Variants in SEMA6A observed in about 807,000 individuals in gnomAD.
The protein encoded by SEMA6A is semaphorin-6A.
Under a neutral mutation model 96.8 loss-of-function variants are expected in SEMA6A, and 25 were observed. The ratio of observed to expected loss-of-function variants is 0.26; its 90% CI spans 0.19 to 0.36. SEMA6A has a LOEUF of 0.36. SEMA6A is among the 10% of genes least tolerant of loss of function. The pLI is 1.00. For missense variants in SEMA6A, 1,363 were observed against 1,323.1 expected (o/e 1.03, Z -0.47); for synonymous variants, 612 against 518.0 (o/e 1.18, Z -2.46).
Position 116,482,501 on chromosome 5 carries a change from T to C in SEMA6A, c.1037A>G (p.Gln346Arg). The C allele has an allele frequency of 1.2e-6, 2 of 1,613,614 alleles. No homozygotes were observed. The highest frequency in any genetic ancestry group is 1.7e-6 in the Non-Finnish European group (2 of 1,179,636). The change falls in exon 11 of 19, where the codon CAG becomes CGG. Residue 346 changes from glutamine (Q) to arginine (R), a missense_variant. By Grantham distance (43) the Gln-to-Arg change is conservative (BLOSUM62 1). Around this residue, in one of 2 missense-constraint regions of SEMA6A, gnomAD observed 480 missense variants for 559.5 expected, o/e 0.86. Transcript: ENST00000343348. ...ASVFTGRFKE[Q>R]KSPDSTWTPV... ...TGTCCAGGTGGAATCAGGAGACTTCTGTTCCTTGAATCTCCCAGTAAAAAC... is the reference window on the plus strand; with the variant it reads ...TGTCCAGGTGGAATCAGGAGACTTCCGTTCCTTGAATCTCCCAGTAAAAAC...
intron 2 of SEMA6A, among the ~76,000 whole-genome samples, chr5:116,504,419 C>T (rs2112773681): frequency 6.6e-6 from 1 of 151,830 alleles, no homozygotes; most frequent in South Asian, 2.1e-4. Flanking sequence ...CTTCTAAGTC[C>T]AAAAAAAATT....
In SEMA6A at chr5:116,447,544, G is replaced by A. The variant is rs1754314315; in HGVS notation, c.2162C>T (p.Ala721Val). Residue 721 changes from alanine (A) to valine (V), a missense_variant, in exon 19 of 19, where the codon GCC (alanine) becomes GTC (valine). Ala to Val is a moderately conservative substitution (Grantham distance 64). Around this residue, in one of 2 missense-constraint regions of SEMA6A, gnomAD observed 883 missense variants for 763.6 expected, o/e 1.16. Transcript: ENST00000343348. ...DTQSKDPKPEAILTPLMHNGK... is the reference protein window; with the variant it reads ...DTQSKDPKPEVILTPLMHNGK... ...GTTGTGCATGAGTGGCGTGAGGATG[G>A]CCTCCGGCTTTGGGTCTTTGGATTG... 1 of 1,613,970 alleles carries A rather than the reference G, an allele frequency of 6.2e-7. No individual in the cohort carries two copies. The highest frequency in any genetic ancestry group is 1.3e-5 in the African/African-American group (1 of 74,954).
At chr5:116,570,659 C>T (rs1330206476) in intron 1 of SEMA6A, among the ~76,000 whole-genome samples, 1 of 152,200 alleles carries the variant, frequency 6.6e-6, no homozygotes, top group African/African-American at 2.4e-5. Flanking sequence ...TAGCTCTTGG[C>T]AATCTAGTTC....
chr5:116,540,161 T>A (rs1759895917), intron 1 of SEMA6A, among the ~76,000 whole-genome samples: 1 of 152,212 alleles, frequency 6.6e-6, no homozygotes. Flanking sequence ...GTGATAGGAT[T>A]CAAATACTCA....
intron 18 of SEMA6A, among the ~76,000 whole-genome samples, chr5:116,464,920 A>G (rs1019158566): frequency 4.6e-5 from 7 of 152,188 alleles, no homozygotes; most frequent in Admixed American, 1.3e-4. Flanking sequence ...AAAATGGGCA[A>G]TGGACACTTG....
intron 1 of SEMA6A, among the ~76,000 whole-genome samples, chr5:116,511,728 A>G (rs576793121): frequency 3.9e-5 from 6 of 152,354 alleles, no homozygotes; most frequent in Admixed American, 3.9e-4. Flanking sequence ...AAGGTGATAG[A>G]AAGATGCAAA....
intron 1 of SEMA6A, among the ~76,000 whole-genome samples, chr5:116,538,794 GTCACCA>G (rs151299525): frequency 7.8e-4 from 119 of 151,720 alleles, no homozygotes; most frequent in African/African-American, 2.8e-3. Context: ...CCATCACCTT[GTCACCA>G]TCACCATCAT....
In SEMA6A at chr5:116,495,427, A is replaced by C. The variant is rs1471040029; in HGVS notation, c.430T>G (p.Cys144Gly). The change falls in exon 6 of 19, where the codon TGC (cysteine) becomes GGC (glycine). Residue 144 changes from cysteine to glycine, a missense_variant. Coordinates refer to ENST00000343348, the MANE Select transcript of SEMA6A (RefSeq NM_020796.5). ...VCGTNAFNPS[C>G]RNYKMDTLEP... ...ATAGCATTTACCTTATAGTTTCTGCAGGAAGGGTTGAAGGCATTAGTTCCA... is the reference window on the plus strand; with the variant it reads ...ATAGCATTTACCTTATAGTTTCTGCCGGAAGGGTTGAAGGCATTAGTTCCA... 6.2e-7 allele frequency: 1 copy of C among 1,609,164 alleles called. No homozygotes were observed. Among genetic ancestry groups the C allele is most frequent in the Non-Finnish European group, 8.5e-7 (1 of 1,177,390 alleles).
chr5:116,558,151 C>T (rs1760679409), intron 1 of SEMA6A, among the ~76,000 whole-genome samples: 1 of 152,154 alleles, frequency 6.6e-6, no homozygotes, highest in African/African-American at 2.4e-5. Flanking sequence ...TTTTCCAATC[C>T]TGTTTTGTTT....
At chr5:116,515,551 A>C (rs1758630206) in intron 1 of SEMA6A, among the ~76,000 whole-genome samples, 2 of 152,232 alleles carry the variant, frequency 1.3e-5, no homozygotes, top group Non-Finnish European at 2.9e-5. Context: ...GAGTGACTTT[A>C]AAGGAGCAAA....
At chr5:116,532,933 T>C (rs1182206255) in intron 1 of SEMA6A, among the ~76,000 whole-genome samples, 3 of 152,180 alleles carry the variant, frequency 2.0e-5, no homozygotes, top group Non-Finnish European at 4.4e-5. Context: ...AGATGACAGG[T>C]GTAAACAGTT....
At chr5:116,494,510 G>T (rs1333691824) in intron 6 of SEMA6A, among the ~76,000 whole-genome samples, 1 of 152,182 alleles carries the variant, frequency 6.6e-6, no homozygotes, top group Non-Finnish European at 1.5e-5. Flanking sequence ...AAAGTTTGAA[G>T]ACACGGGGTC....
chr5:116,527,639 A>C (rs555369637), intron 1 of SEMA6A, among the ~76,000 whole-genome samples: 3 of 152,346 alleles, frequency 2.0e-5, no homozygotes, highest in African/African-American at 7.2e-5. Flanking sequence ...AAATGTATAC[A>C]AATGTTTTTC....
intron 1 of SEMA6A, among the ~76,000 whole-genome samples, chr5:116,536,099 C>G (rs1759693861): frequency 6.6e-6 from 1 of 152,156 alleles, no homozygotes; most frequent in Non-Finnish European, 1.5e-5. Flanking sequence ...TTCTTAGAAT[C>G]ATCAGTCATG....
At chr5:116,487,065 G>T in intron 9 of SEMA6A, 99 bp from the exon 10 acceptor site, 1 of 782,852 alleles carries the variant, frequency 1.3e-6, no homozygotes, top group Non-Finnish European at 2.1e-6. Context: ...AAAACAACAA[G>T]GTGCTTAATA....
chr5:116,530,429 TC>T lies in SEMA6A; in HGVS notation c.-38-25448del, dbSNP rs1759418176. Among the ~76,000 whole-genome samples the T allele has an allele frequency of 2.6e-5, 4 of 152,170 alleles. 1 individual carries two copies. In the South Asian group the frequency reaches 8.3e-4, roughly 32 times the overall value. On this transcript the variant is annotated intron_variant, in intron 1 of 18. Transcript: ENST00000343348. ...TGCAGCTGAAAAGATAAATGTCCTT[TC>T]CCATGTTCCCATCAGAGGTCTGTGT...
chr5:116,503,310 TGGGTATCTTATCA>T (rs1217109878), intron 2 of SEMA6A, among the ~76,000 whole-genome samples: 1 of 152,166 alleles, frequency 6.6e-6, no homozygotes, highest in Non-Finnish European at 1.5e-5. Context: ...TTACTCACAG[TGGGTATCTTATCA>T]GGAGCCTTAC....
At chr5:116,504,244 C>T (rs1264290959) in intron 2 of SEMA6A, among the ~76,000 whole-genome samples, 11 of 152,256 alleles carry the variant, frequency 7.2e-5, no homozygotes, top group Non-Finnish European at 1.3e-4. Context: ...AATGTTCCAT[C>T]CAACACATAG....
chr5:116,544,329 CCTAGA>C (rs148291086), intron 1 of SEMA6A, among the ~76,000 whole-genome samples: 11,568 of 152,122 alleles, frequency 0.076, 573 homozygotes, highest in Middle Eastern at 0.2. Flanking sequence ...TACTCTGTCA[CCTAGA>C]CTAGAGTGTA....
Sources: gnomAD v4.1 joint callset for allele counts (sites outside exome capture counted in the v4.1 genomes callset) on GRCh38, gnomAD v4.1.1 for gene constraint, gnomAD v4.1.1 regional missense constraint, MANE v1.5 for transcripts, NCBI Gene and HGNC (gene_info 2026-07-23, HGNC 2026-07-21) for gene names.